Variants in MXRA5 observed in about 807,000 individuals in gnomAD.
MXRA5 encodes matrix-remodeling-associated protein 5.
A neutral mutation model predicts 112.5 loss-of-function variants in MXRA5; 41 were observed. That is an observed-to-expected ratio of 0.36 (90% CI 0.28 to 0.47). MXRA5 has a LOEUF of 0.47. Ranked by LOEUF, MXRA5 falls within the 20% of genes least tolerant of loss-of-function variation. MXRA5 has a pLI of 0.99. For synonymous variants in MXRA5, 862 were observed against 900.8 expected, an observed-to-expected ratio of 0.96 and a Z score of 0.77; for missense variants, 2,150 against 2,251.0, an observed-to-expected ratio of 0.96 and a Z score of 0.91.
At chrX:3,311,687 G>C in intron 6 of MXRA5, 63 bp from the exon 7 acceptor site, 2 of 979,704 alleles carry the variant, frequency 2.0e-6, no homozygotes, top group Non-Finnish European at 2.8e-6. Context: ...GTGGCATTAG[G>C]TCGCTGGAAT....
At position 3,311,174 on chromosome X, in the gene MXRA5, T is replaced by A. The variant is rs752299122; in HGVS notation, c.7029A>T (p.Thr2343=). ...DEMRVRVKVV[T]APATIRNKTY... ...TCTTGTTCCGGATGGTGGCGGGCGC[T>A]GTCACCACCTTGACTCTGACTCTCA... Residue 2343 remains threonine, a synonymous_variant, in exon 7 of 7, where the codon ACA becomes ACT. Transcript: ENST00000217939. 2.5e-6 allele frequency: 3 copies of A among 1,211,788 alleles called. No homozygotes were observed. Among genetic ancestry groups the A allele is most frequent in the African/African-American group, 1.7e-5 (1 of 57,774 alleles).
chrX:3,332,465 C>G (rs1201898412), intron 2 of MXRA5, among the ~76,000 whole-genome samples: 1 of 110,481 alleles, frequency 9.1e-6, no homozygotes, highest in African/African-American at 3.3e-5. Context: ...AGGATGGTCT[C>G]GATCTCCTGA....
rs750982915 is a variant in MXRA5 at position 3,309,966 on chromosome X, C to A, written c.8237G>T (p.Arg2746Leu). ...GTTCAGTTTCACGGTGTTCCCGGGC[C>A]GGGTGTAGATGACCGGGGTGGGCTC... ...TSEPTPVIYT[R>L]PGNTVKLNCM... is the part of the protein sequence containing the mutation. The change falls in exon 7 of 7, where the codon CGG becomes CTG. Residue 2746 changes from arginine (R) to leucine (L), a missense_variant. Arg to Leu is a moderately radical substitution (Grantham distance 102). This residue lies in a region of MXRA5 where 178 missense variants were observed against 198.2 expected (regional missense o/e 0.90). Transcript: ENST00000217939. The A allele has an allele frequency of 8.3e-7, 1 of 1,211,225 alleles. No individual in the cohort carries two copies. The highest frequency in any genetic ancestry group is 1.8e-5 in the South Asian group (1 of 56,862).
Position 3,321,960 on chromosome X carries a change from C to G in MXRA5, c.3725G>C (p.Arg1242Pro), listed in dbSNP as rs1439368693. 5.8e-6 allele frequency: 7 copies of G among 1,209,048 alleles called. No individual in the cohort carries two copies. The highest frequency in any genetic ancestry group is 5.9e-5 in the East Asian group (2 of 33,732). Residue 1242 changes from arginine (R) to proline (P), a missense_variant, in exon 5 of 7, where the codon CGA becomes CCA. Coordinates refer to ENST00000217939, the MANE Select transcript of MXRA5 (RefSeq NM_015419.4). The stretch of plus-strand genomic sequence containing the variant: ...TGAGCTCACTGTAGAAGGGGTATAT[C>G]GATGTTTGTTTGGCCTCTTCCCGTG... ...RKHGKRPNKH[R>P]YTPSTVSSRA...
intron 2 of MXRA5, among the ~76,000 whole-genome samples, chrX:3,331,523 C>G (rs991399587): frequency 1.8e-5 from 2 of 111,702 alleles, no homozygotes; most frequent in African/African-American, 6.5e-5. Flanking sequence ...TTGGAATTTG[C>G]TTTGCATATG....
At position 3,318,765 on chromosome X, in the gene MXRA5, C is replaced by T. The variant is rs189157669; in HGVS notation, c.5678-762G>A. ...TTACCACAGTGCTATTCACAATAGCCAAGATATGGAATTCAGCTAAGTGTC... is the reference window on the plus strand; with the variant it reads ...TTACCACAGTGCTATTCACAATAGCTAAGATATGGAATTCAGCTAAGTGTC... On this transcript the variant is annotated intron_variant, in intron 5 of 6. Transcript: ENST00000217939. Among the ~76,000 whole-genome samples the T allele has an allele frequency of 8.1e-5, 9 of 111,084 alleles. No homozygotes were observed. In the East Asian group the frequency reaches 2.5e-3, roughly 31 times the overall value.
At chrX:3,344,804 G>A (rs1211934463) in intron 1 of MXRA5, among the ~76,000 whole-genome samples, 2 of 110,525 alleles carry the variant, frequency 1.8e-5, no homozygotes, top group African/African-American at 6.6e-5. Flanking sequence ...GAACGAGCGC[G>A]AACTGCTGAT....
At chrX:3,327,267 C>T (rs936003973) in intron 4 of MXRA5, among the ~76,000 whole-genome samples, 9 of 111,633 alleles carry the variant, frequency 8.1e-5, no homozygotes, top group African/African-American at 2.0e-4. Flanking sequence ...CCTCAACATG[C>T]GAATAGGATT....
At chrX:3,328,246 A>C (rs1170516966) in intron 4 of MXRA5, among the ~76,000 whole-genome samples, 1 of 112,386 alleles carries the variant, frequency 8.9e-6, no homozygotes, top group Admixed American at 9.5e-5. Context: ...AAGCCTCTTG[A>C]ATGTCTAGCA....
intron 2 of MXRA5, among the ~76,000 whole-genome samples, chrX:3,333,917 T>C (rs752659912): frequency 1.8e-5 from 2 of 111,035 alleles, no homozygotes; most frequent in East Asian, 2.8e-4. Context: ...GCAAGCTGGG[T>C]GGGGAAAGGA....
At chrX:3,319,698 AAAAATGT>A (rs1921243938) in intron 5 of MXRA5, among the ~76,000 whole-genome samples, 1 of 111,699 alleles carries the variant, frequency 9.0e-6, no homozygotes, top group South Asian at 3.8e-4. Context: ...GCAAGGGTTG[AAAAATGT>A]ACCTATTGGA....
intron 6 of MXRA5, among the ~76,000 whole-genome samples, chrX:3,315,376 A>AGATGATG (rs1569181306): frequency 3.7e-5 from 1 of 26,915 alleles, no homozygotes; most frequent in Non-Finnish European, 7.3e-5. Context: ...TAGATAGAAT[A>AGATGATG]GATAGATAGA....
In MXRA5 at chrX:3,343,810, C is replaced by A. The variant is rs1463282729; in HGVS notation, c.24G>T (p.Gly8=). Residue 8 remains glycine, a synonymous_variant, in exon 2 of 7, where the codon GGG becomes GGT. Transcript: ENST00000217939. MPKRAHW[G]ALSVVLILLW... is the part of the protein sequence containing the mutation. ...GCAGGATCAGCACCACGGAGAGGGCCCCCCAGTGCGCGCGCTTGGGCATCT... is the reference window on the plus strand; with the variant it reads ...GCAGGATCAGCACCACGGAGAGGGCACCCCAGTGCGCGCGCTTGGGCATCT... 8.3e-7 allele frequency: 1 copy of A among 1,206,111 alleles called. No individual in the cohort carries two copies. Among genetic ancestry groups the A allele is most frequent in the Non-Finnish European group, 1.1e-6 (1 of 891,849 alleles).
rs1182024656 is a variant in MXRA5, at chrX:3,334,063, C to T, written c.189-3290G>A. Among the ~76,000 whole-genome samples, 7 of 111,708 alleles carry T rather than the reference C, an allele frequency of 6.3e-5. No individual in the cohort carries two copies. In the East Asian group the frequency reaches 1.7e-3, roughly 27 times the overall value. On this transcript the variant is annotated intron_variant, in intron 2 of 6. Transcript: ENST00000217939. ...GTGGCACAATCTTGGCTCACTGCAA[C>T]CTCTGTGTCCTGGGCTCAAGCCATC...
At chrX:3,335,710 A>G (rs965555169) in intron 2 of MXRA5, among the ~76,000 whole-genome samples, 9 of 112,327 alleles carry the variant, frequency 8.0e-5, no homozygotes, top group African/African-American at 1.6e-4. Context: ...CTAAATGTAC[A>G]TTTCAGAAAT....
chrX:3,342,087 C>T, intron 2 of MXRA5, among the ~76,000 whole-genome samples: 1 of 110,598 alleles, frequency 9.0e-6, no homozygotes, highest in Non-Finnish European at 1.9e-5. Context: ...GTGTCCTTTC[C>T]AGAGATATAG....
intron 4 of MXRA5, among the ~76,000 whole-genome samples, chrX:3,329,318 A>ATG (rs1921596624): frequency 1.4e-5 from 1 of 72,363 alleles, no homozygotes. Context: ...GGAAGGAAAA[A>ATG]AGAAGGAAGG....
chrX:3,315,572 G>T (rs1921094702), intron 6 of MXRA5, among the ~76,000 whole-genome samples: 1 of 109,359 alleles, frequency 9.1e-6, no homozygotes, highest in Non-Finnish European at 1.9e-5. Context: ...AGCACCCACT[G>T]CCCCATTTGT....
At position 3,343,838 on chromosome X, in the gene MXRA5, T is replaced by G. The variant is rs1238982664; in HGVS notation, c.-5A>C. On this transcript the variant is annotated 5_prime_UTR_variant, in exon 2 of 7. Coordinates refer to ENST00000217939, the MANE Select transcript of MXRA5 (RefSeq NM_015419.4). ...CCAGTGCGCGCGCTTGGGCATCTTGTCGGGGTGCCTGATTCTCGGATACCT... is the reference window on the plus strand; with the variant it reads ...CCAGTGCGCGCGCTTGGGCATCTTGGCGGGGTGCCTGATTCTCGGATACCT... The G allele has an allele frequency of 7.5e-6, 9 of 1,194,619 alleles. No individual in the cohort carries two copies. Among genetic ancestry groups the G allele is most frequent in the Non-Finnish European group, 7.9e-6 (7 of 884,998 alleles).
Sources: gnomAD v4.1 joint callset for allele counts (sites outside exome capture counted in the v4.1 genomes callset) on GRCh38, gnomAD v4.1.1 for gene constraint, gnomAD v4.1.1 regional missense constraint, MANE v1.5 for transcripts, NCBI Gene and HGNC (gene_info 2026-07-23, HGNC 2026-07-21) for gene names.